The following PLK1 variants were observed in gnomAD, a reference collection of about 807,000 sequenced individuals.
The protein encoded by PLK1 is polo like kinase 1.
In PLK1, 6 loss-of-function variants were observed where a neutral mutation model predicts 56.7. That is an observed-to-expected ratio of 0.11 (90% CI 0.06 to 0.21). The LOEUF is 0.21. Among genes scored for constraint, PLK1 ranks in the 10% least tolerant of loss-of-function variants. PLK1 has a pLI of 1.00. For missense variants in PLK1, 546 were observed against 814.4 expected (o/e 0.67, Z 4.01); for synonymous variants, 298 against 325.0 (o/e 0.92, Z 0.89).
chr16:23,679,076 C>CAG lies in PLK1; in HGVS notation c.145_146dup (p.Ser49ArgfsTer67). On this transcript the variant is annotated frameshift_variant, in exon 1 of 10. Coordinates refer to ENST00000300093, the MANE Select transcript of PLK1 (RefSeq NM_005030.6). LOFTEE classifies it high-confidence loss of function. ...TCCCGGAGGTCCTAGTGGACCCACG[C>CAG]AGCCGGCGGCGCTATGTGCGGGGCC... 6.2e-7 allele frequency: 1 copy of CAG among 1,606,142 alleles called. No individual in the cohort carries two copies. The highest frequency in any genetic ancestry group is 8.5e-7 in the Non-Finnish European group (1 of 1,174,116).
In PLK1 at chr16:23,689,191, C is replaced by G. The variant is rs1404431295; in HGVS notation, c.1271-47C>G. The G allele has an allele frequency of 2.6e-6, 4 of 1,563,790 alleles. No individual in the cohort carries two copies. The highest frequency in any genetic ancestry group is 3.5e-6 in the Non-Finnish European group (4 of 1,140,308). On this transcript the variant is annotated intron_variant, in intron 7 of 9. Transcript: ENST00000300093. The surrounding 1 kb of genome is among the most constrained non-coding windows in gnomAD (Gnocchi z 4.8). ...GTGCCACCACGCCCGGTCCCACTCC[C>G]CACTTTCTATTCCCCCTTTCTGAGA...
rs367568986 is a variant in PLK1 at position 23,684,082 on chromosome 16, C to A, written c.1029C>A (p.Leu343=). ...GCAACCGGAAGCCCCTCACAGTCCT[C>A]AATAAAGGTACAACAAGGGTCTGGG... ...DPSNRKPLTV[L]NKGLENPLPE... The change falls in exon 5 of 10, where the codon CTC becomes CTA. Residue 343 remains leucine, a synonymous_variant. Coordinates refer to ENST00000300093, the MANE Select transcript of PLK1 (RefSeq NM_005030.6). 6.2e-7 allele frequency: 1 copy of A among 1,613,320 alleles called. No individual in the cohort carries two copies. Among genetic ancestry groups the A allele is most frequent in the East Asian group, 2.2e-5 (1 of 44,870 alleles).
chr16:23,690,057 C>T lies in PLK1; in HGVS notation c.1806C>T (p.Ala602=). ...GCTCGGCCAGCAACCGTCTCAAGGCCTCCTAATAGCTGCCCTCCCCTCCGG... is the reference window on the plus strand; with the variant it reads ...GCTCGGCCAGCAACCGTCTCAAGGCTTCCTAATAGCTGCCCTCCCCTCCGG... ...SSRSASNRLK[A]S The change falls in exon 10 of 10, where the codon GCC becomes GCT. Residue 602 remains alanine, a synonymous_variant. Coordinates refer to ENST00000300093, the MANE Select transcript of PLK1 (RefSeq NM_005030.6). 1 of 1,607,422 alleles carries T rather than the reference C, an allele frequency of 6.2e-7. No homozygotes were observed. The highest frequency in any genetic ancestry group is 8.5e-7 in the Non-Finnish European group (1 of 1,178,744).
Position 23,679,546 on chromosome 16 carries a change from G to A in PLK1, c.408+206G>A, listed in dbSNP as rs1262642052. 5 of 563,930 alleles carry A rather than the reference G, an allele frequency of 8.9e-6. No individual in the cohort carries two copies. The East Asian group carries it at 1.5e-4, about 17-fold the overall frequency. The allele number at this position is 563,930 out of a possible 1,614,324, so 34.9% of individuals were successfully genotyped here. A position where few individuals can be genotyped will look rare whatever the true frequency, so the allele number is the denominator to read the frequency against. ...GGAGCTGCTAGAGGAGGGGGTTCCA[G>A]TGAAGTGGAGTCTGAGTCATGTTGC... On this transcript the variant is annotated intron_variant, in intron 1 of 9. Transcript: ENST00000300093.
chr16:23,682,720 C>CG (rs1229879354), intron 4 of PLK1, among the ~76,000 whole-genome samples: 6 of 144,678 alleles, frequency 4.1e-5, no homozygotes, highest in African/African-American at 1.5e-4. Flanking sequence ...TTAGTAGAGA[C>CG]GGGGTTTCAC....
In PLK1 at chr16:23,688,591, G is replaced by A. The variant is rs1457997311; in HGVS notation, c.1193-77G>A. 4.3e-6 allele frequency: 5 copies of A among 1,162,980 alleles called. No homozygotes were observed. The East Asian group carries it at 1.2e-4, about 27-fold the overall frequency. 72.0% of individuals were successfully genotyped at this position (1,162,980 alleles called of 1,614,324 possible). On this transcript the variant is annotated intron_variant, in intron 6 of 9. Transcript: ENST00000300093. ...TGCCCAGCAGGCTTCCCTGTTCCCT[G>A]GTGTGGGCCACATGTGTGGAGCAGA...
intron 5 of PLK1, among the ~76,000 whole-genome samples, chr16:23,686,383 A>C (rs1271564777): frequency 6.6e-6 from 1 of 152,240 alleles, no homozygotes; most frequent in Non-Finnish European, 1.5e-5. Flanking sequence ...CTGTATGATG[A>C]GTCCCATGTT....
At chr16:23,680,669 C>T in intron 2 of PLK1, among the ~76,000 whole-genome samples, 1 of 152,200 alleles carries the variant, frequency 6.6e-6, no homozygotes, top group East Asian at 1.9e-4. Context: ...TTTACTATCC[C>T]TGTCAGTTCC....
intron 1 of PLK1, 95 bp downstream of exon 1, chr16:23,679,435 C>T: frequency 1.6e-6 from 2 of 1,228,456 alleles, no homozygotes; most frequent in Non-Finnish European, 2.3e-6. Flanking sequence ...AAGGGAGAGC[C>T]TGGGACTTGG....
At chr16:23,682,346 G>T (rs1959345518) in intron 4 of PLK1, among the ~76,000 whole-genome samples, 189 bp downstream of exon 4, 1 of 152,034 alleles carries the variant, frequency 6.6e-6, no homozygotes, top group Admixed American at 6.6e-5. Flanking sequence ...TTTTTTCTAG[G>T]GGGAGAGAGT....
intron 4 of PLK1, 41 bp from the exon 5 acceptor site, chr16:23,683,829 C>T (rs773160919): frequency 4.7e-6 from 7 of 1,491,678 alleles, no homozygotes; most frequent in Non-Finnish European, 6.5e-6. Flanking sequence ...CTCCAGGTCC[C>T]CTTCACATTC....
At position 23,687,481 on chromosome 16, in the gene PLK1, C is replaced by T; in HGVS notation, c.1049C>T (p.Pro350Leu). 6.3e-7 allele frequency: 1 copy of T among 1,586,426 alleles called. No homozygotes were observed. The highest frequency in any genetic ancestry group is 8.6e-7 in the Non-Finnish European group (1 of 1,161,878). ...GTCACCTTCCTAGGCTTGGAGAACC[C>T]CCTGCCTGAGCGTCCCCGGGAAAAA... The part of the protein sequence containing the change: ...LTVLNKGLEN[P>L]LPERPREKEE... The change falls in exon 6 of 10, where the codon CCC (proline) becomes CTC (leucine). Residue 350 changes from proline to leucine, a missense_variant. Transcript: ENST00000300093.
chr16:23,688,910 C>CTT (rs112964547), intron 7 of PLK1, among the ~76,000 whole-genome samples, 165 bp downstream of exon 7: 29,335 of 147,328 alleles, frequency 0.2, 3,065 homozygotes, highest in East Asian at 0.43. Context: ...GACTCCCCAG[C>CTT]TTTTTTTTTT....
At chr16:23,684,348 C>T (rs1294829474) in intron 5 of PLK1, among the ~76,000 whole-genome samples, 2 of 152,192 alleles carry the variant, frequency 1.3e-5, no homozygotes, top group Admixed American at 1.3e-4. Context: ...TTTCAAATCA[C>T]TTTAATTAAT....
At position 23,689,945 on chromosome 16, in the gene PLK1, G is replaced by A; in HGVS notation, c.1694G>A (p.Ser565Asn). 1 of 1,614,082 alleles carries A rather than the reference G, an allele frequency of 6.2e-7. No individual in the cohort carries two copies. The highest frequency in any genetic ancestry group is 8.5e-7 in the Non-Finnish European group (1 of 1,179,998). The change falls in exon 10 of 10, where the codon AGT becomes AAT. Residue 565 changes from serine to asparagine, a missense_variant. Physicochemically the swap from Ser to Asn is conservative, Grantham distance 46. Around this residue, in one of 7 missense-constraint regions of PLK1, gnomAD observed 72 missense variants for 77.9 expected, o/e 0.92. Transcript: ENST00000300093. The surrounding 1 kb of genome is among the most constrained non-coding windows in gnomAD (Gnocchi z 4.8). ...EKRDFRTYRL[S>N]LLEEYGCCKE... ...CGGGACTTCCGCACATACCGCCTGA[G>A]TCTCCTGGAGGAGTACGGCTGCTGC...
intron 5 of PLK1, 125 bp downstream of exon 5, chr16:23,684,214 A>T (rs1345565627): frequency 1.4e-6 from 1 of 702,466 alleles, no homozygotes; most frequent in Admixed American, 2.5e-5. Flanking sequence ...CTGTCCTTCA[A>T]TCCGTGGTTC....
chr16:23,685,570 T>C (rs1473170225), intron 5 of PLK1, among the ~76,000 whole-genome samples: 2 of 151,954 alleles, frequency 1.3e-5, no homozygotes, highest in East Asian at 3.9e-4. Flanking sequence ...TAGCCGGGCG[T>C]GGTGGTGTGC....
chr16:23,687,709 G>A, intron 6 of PLK1, 85 bp downstream of exon 6: 1 of 1,044,140 alleles, frequency 9.6e-7, no homozygotes, highest in Admixed American at 2.5e-5. Context: ...CAAAGCACTG[G>A]TGACTTGTTC....
In PLK1 at chr16:23,690,007, A is replaced by G. The variant is rs1208449375; in HGVS notation, c.1756A>G (p.Met586Val). 4.3e-6 allele frequency: 7 copies of G among 1,613,352 alleles called. No homozygotes were observed. The highest frequency in any genetic ancestry group is 5.9e-6 in the Non-Finnish European group (7 of 1,180,022). ...CAGCCGGCTCCGCTACGCCCGCACT[A>G]TGGTGGACAAGCTGCTGAGCTCACG... is the stretch of plus-strand genomic sequence containing the variant. ...LASRLRYART[M>V]VDKLLSSRSA... Residue 586 changes from methionine (M) to valine (V), a missense_variant, in exon 10 of 10, where the codon ATG (methionine) becomes GTG (valine). Coordinates refer to ENST00000300093, the MANE Select transcript of PLK1 (RefSeq NM_005030.6).
Sources: gnomAD v4.1 joint callset for allele counts (sites outside exome capture counted in the v4.1 genomes callset) on GRCh38, gnomAD v4.1.1 for gene constraint, gnomAD v4.1.1 regional missense constraint, Gnocchi (gnomAD v3.1) non-coding constraint, MANE v1.5 for transcripts, NCBI Gene and HGNC (gene_info 2026-07-23, HGNC 2026-07-21) for gene names.